The following CCDC91 variants were observed in gnomAD, a reference collection of about 807,000 sequenced individuals.
The protein encoded by CCDC91 is coiled-coil domain containing 91.
CCDC91 carries 48 observed loss-of-function variants against 63.2 expected under a neutral mutation model. The ratio of observed to expected loss-of-function variants is 0.76; its 90% CI spans 0.60 to 0.97. CCDC91 has a LOEUF of 0.97. Among genes scored for constraint, CCDC91 ranks in the 50% least tolerant of loss-of-function variants. CCDC91 has a pLI of 0.00. For synonymous variants in CCDC91, 167 were observed against 165.8 expected (o/e 1.01, Z -0.06); for missense variants, 500 against 494.6 (o/e 1.01, Z -0.10).
intron 3 of CCDC91, among the ~76,000 whole-genome samples, chr12:28,286,908 T>G (rs780764557): frequency 1.7e-4 from 26 of 152,350 alleles, no homozygotes; most frequent in African/African-American, 2.6e-4. Context: ...ATAGCCATTA[T>G]GACTGGTATG....
intron 11 of CCDC91, among the ~76,000 whole-genome samples, chr12:28,461,196 A>G (rs1950293324): frequency 6.6e-6 from 1 of 152,092 alleles, no homozygotes. Flanking sequence ...CAAAAATATC[A>G]TCATATGGTC....
At chr12:28,530,417 T>C (rs1941637770) in intron 12 of CCDC91, among the ~76,000 whole-genome samples, 1 of 152,226 alleles carries the variant, frequency 6.6e-6, no homozygotes, top group African/African-American at 2.4e-5. Context: ...TCCTAGCCTT[T>C]TAGTCTTCCT....
intron 12 of CCDC91, among the ~76,000 whole-genome samples, chr12:28,499,730 T>A (rs1283701182): frequency 2.0e-5 from 3 of 152,152 alleles, no homozygotes; most frequent in Non-Finnish European, 4.4e-5. Context: ...ACATTTTCTT[T>A]ATCCAGTCTA....
At chr12:28,222,649 GGTTA>G (rs1289629533) in intron 1 of CCDC91, among the ~76,000 whole-genome samples, 1 of 152,060 alleles carries the variant, frequency 6.6e-6, no homozygotes, top group Non-Finnish European at 1.5e-5. Flanking sequence ...TTTTATGTTT[GGTTA>G]GTTAGAGATC....
chr12:28,416,161 A>G (rs1947647018), intron 8 of CCDC91, among the ~76,000 whole-genome samples: 1 of 152,102 alleles, frequency 6.6e-6, no homozygotes. Flanking sequence ...ATATCTAATA[A>G]GCTTCTTATT....
At chr12:28,252,149 T>C (rs1946154974) in intron 1 of CCDC91, among the ~76,000 whole-genome samples, 1 of 152,144 alleles carries the variant, frequency 6.6e-6, no homozygotes, top group Admixed American at 6.6e-5. Flanking sequence ...TGTTATGAAG[T>C]GTGAGACCAT....
intron 6 of CCDC91, among the ~76,000 whole-genome samples, chr12:28,347,283 A>G (rs1007580210): frequency 2.6e-5 from 4 of 152,224 alleles, no homozygotes; most frequent in African/African-American, 7.2e-5. Flanking sequence ...AAGAGACAGT[A>G]TCATCTCTTG....
chr12:28,296,855 G>A lies in CCDC91; in HGVS notation c.110-8794G>A, dbSNP rs1255793433. On this transcript the variant is annotated intron_variant, in intron 3 of 12. Coordinates refer to ENST00000536442, the MANE Select transcript of CCDC91 (RefSeq NM_018318.5). The stretch of plus-strand genomic sequence containing the variant: ...GCAAATTCTTTGTTTTTTCATAACA[G>A]TGATTTCCCTACATGAGTGATTTTC... Among the ~76,000 whole-genome samples, 5 of 151,980 alleles carry A rather than the reference G, an allele frequency of 3.3e-5. 1 individual carries two copies. In the South Asian group the frequency reaches 8.3e-4, roughly 25 times the overall value.
chr12:28,485,331 T>C (rs1951667571), intron 12 of CCDC91, among the ~76,000 whole-genome samples: 1 of 151,802 alleles, frequency 6.6e-6, no homozygotes, highest in Non-Finnish European at 1.5e-5. Flanking sequence ...GCTAATTTTT[T>C]TATTTTTTAT....
intron 6 of CCDC91, among the ~76,000 whole-genome samples, chr12:28,327,839 A>T (rs1941155234): frequency 6.6e-6 from 1 of 152,130 alleles, no homozygotes; most frequent in Admixed American, 6.5e-5. Context: ...AGGCCAAGTG[A>T]GCTGCCATGT....
intron 6 of CCDC91, among the ~76,000 whole-genome samples, chr12:28,325,281 C>G (rs150906330): frequency 3.9e-4 from 59 of 152,124 alleles, no homozygotes; most frequent in Non-Finnish European, 7.8e-4. Context: ...AAAAGTTGCT[C>G]TGTTAGGAGG....
At chr12:28,412,719 T>C in intron 8 of CCDC91, 1 of 453,388 alleles carries the variant, frequency 2.2e-6, no homozygotes, top group Admixed American at 2.4e-5. Flanking sequence ...TATCCCCTTA[T>C]TGTCCCCTCC....
chr12:28,429,869 C>G (rs190234149), intron 8 of CCDC91, among the ~76,000 whole-genome samples: 7 of 152,120 alleles, frequency 4.6e-5, no homozygotes, highest in African/African-American at 1.7e-4. Flanking sequence ...AAAAAACTCT[C>G]TGATGCTCTC....
chr12:28,322,405 T>TA (rs1940596596), intron 6 of CCDC91, among the ~76,000 whole-genome samples: 1 of 151,854 alleles, frequency 6.6e-6, no homozygotes, highest in Admixed American at 6.6e-5. Context: ...CTCACACATT[T>TA]AAAAAATCCT....
intron 7 of CCDC91, among the ~76,000 whole-genome samples, chr12:28,379,656 A>T (rs1311371695): frequency 6.6e-6 from 1 of 152,124 alleles, no homozygotes; most frequent in African/African-American, 2.4e-5. Context: ...AGGAAACAAC[A>T]GATGCTGGAG....
chr12:28,346,562 C>T (rs570838022), intron 6 of CCDC91, among the ~76,000 whole-genome samples: 1 of 152,144 alleles, frequency 6.6e-6, no homozygotes, highest in Non-Finnish European at 1.5e-5. Context: ...TTATTGAATT[C>T]GTTTTTTGCT....
At chr12:28,345,689 C>G (rs552962562) in intron 6 of CCDC91, among the ~76,000 whole-genome samples, 7 of 151,900 alleles carry the variant, frequency 4.6e-5, no homozygotes, top group Non-Finnish European at 1.0e-4. Context: ...TTCTGGTGCC[C>G]CAACAGCAAT....
chr12:28,336,198 G>C (rs1469627953), intron 6 of CCDC91, among the ~76,000 whole-genome samples: 1 of 152,084 alleles, frequency 6.6e-6, no homozygotes, highest in East Asian at 1.9e-4. Flanking sequence ...GATACTCCCA[G>C]AGTAGAACTG....
intron 12 of CCDC91, among the ~76,000 whole-genome samples, chr12:28,521,194 C>T (rs1013245924): frequency 7.9e-5 from 12 of 152,144 alleles, no homozygotes; most frequent in African/African-American, 2.7e-4. Context: ...TTGATTATTC[C>T]TATCCATGAG....
Sources: gnomAD v4.1 joint callset for allele counts (sites outside exome capture counted in the v4.1 genomes callset) on GRCh38, gnomAD v4.1.1 for gene constraint, MANE v1.5 for transcripts, NCBI Gene and HGNC (gene_info 2026-07-23, HGNC 2026-07-21) for gene names.